ITGA8: variants seen among roughly 807,000 people sequenced by gnomAD.
ITGA8 encodes integrin alpha-8.
A neutral mutation model predicts 142.3 loss-of-function variants in ITGA8; 91 were observed. The observed-to-expected ratio is 0.64, with a 90% CI of 0.54 to 0.76. The LOEUF (loss-of-function observed/expected upper bound fraction) is 0.76. Among genes scored for constraint, ITGA8 ranks in the 30% least tolerant of loss-of-function variants. ITGA8 has a pLI of 0.00. For missense variants in ITGA8, 1,406 were observed against 1,327.7 expected, an observed-to-expected ratio of 1.06 and a Z score of -0.92; for synonymous variants, 505 against 485.2, an observed-to-expected ratio of 1.04 and a Z score of -0.54.
chr10:15,645,266 T>G (rs1833959489), intron 12 of ITGA8, among the ~76,000 whole-genome samples: 1 of 152,110 alleles, frequency 6.6e-6, no homozygotes, highest in African/African-American at 2.4e-5. Flanking sequence ...TTCACATGAT[T>G]TTACCTACTT....
intron 27 of ITGA8, among the ~76,000 whole-genome samples, chr10:15,540,785 A>G (rs775572886): frequency 6.6e-6 from 1 of 152,180 alleles, no homozygotes; most frequent in African/African-American, 2.4e-5. Flanking sequence ...CCTGATGACT[A>G]AAACAAGACC....
At chr10:15,580,733 A>T (rs762265935) in intron 23 of ITGA8, among the ~76,000 whole-genome samples, 2 of 152,230 alleles carry the variant, frequency 1.3e-5, no homozygotes, top group Non-Finnish European at 2.9e-5. Context: ...CTAAACATAC[A>T]TTCATGTTAA....
chr10:15,565,771 G>A (rs969465049), intron 25 of ITGA8, among the ~76,000 whole-genome samples: 8 of 151,546 alleles, frequency 5.3e-5, no homozygotes, highest in African/African-American at 1.5e-4. Context: ...TGTACTTTTA[G>A]CAGAGATGGG....
At chr10:15,574,048 C>T (rs550646161) in intron 24 of ITGA8, among the ~76,000 whole-genome samples, 1 of 152,100 alleles carries the variant, frequency 6.6e-6, no homozygotes, top group South Asian at 2.1e-4. Context: ...TCTTGAGCTT[C>T]TGGCCTGAAG....
chr10:15,614,327 A>C (rs1349940564), intron 14 of ITGA8, among the ~76,000 whole-genome samples: 1 of 152,190 alleles, frequency 6.6e-6, no homozygotes, highest in Non-Finnish European at 1.5e-5. Context: ...AATTCTGTAC[A>C]TCAGCCAGAG....
chr10:15,562,126 T>C (rs186797807), intron 25 of ITGA8, among the ~76,000 whole-genome samples: 1 of 152,168 alleles, frequency 6.6e-6, no homozygotes, highest in African/African-American at 2.4e-5. Context: ...TAATTCAAGA[T>C]GAGATTTGTG....
At chr10:15,687,201 T>G (rs965405121) in intron 3 of ITGA8, among the ~76,000 whole-genome samples, 3 of 151,842 alleles carry the variant, frequency 2.0e-5, no homozygotes, top group Non-Finnish European at 4.4e-5. Flanking sequence ...CTTTAGATAC[T>G]TATTCTTATT....
Position 15,596,826 on chromosome 10 carries a change from C to T in ITGA8, c.2211+381G>A, listed in dbSNP as rs558119999. 1.6e-3 allele frequency: 282 copies of T among 177,060 alleles called. 3 individuals are homozygous for T. The highest frequency in any genetic ancestry group is 6.3e-3 in the African/African-American group (266 of 42,324). 11.0% of individuals were successfully genotyped at this position (177,060 alleles called of 1,614,324 possible). ...CATGTCCTTCCTTTAATTGCCATTG[C>T]TAAAATCTTTGTCCTAATTTGGTTA... is the stretch of plus-strand genomic sequence containing the variant. On this transcript the variant is annotated intron_variant, in intron 21 of 29. Transcript: ENST00000378076.
intron 13 of ITGA8, among the ~76,000 whole-genome samples, chr10:15,637,193 C>T (rs1827012302): frequency 6.6e-6 from 1 of 152,186 alleles, no homozygotes; most frequent in South Asian, 2.1e-4. Flanking sequence ...TCCTAGAATG[C>T]AGTTTTTCAA....
At position 15,517,144 on chromosome 10, in the gene ITGA8, CT is replaced by C. The variant is rs527255216; in HGVS notation, c.*13del. The C allele has an allele frequency of 5.4e-4, 835 of 1,558,092 alleles. No individual in the cohort carries two copies. In the African/African-American group the frequency reaches 8.5e-3, roughly 16 times the overall value. On this transcript the variant is annotated 3_prime_UTR_variant, in exon 30 of 30. Coordinates refer to ENST00000378076, the MANE Select transcript of ITGA8 (RefSeq NM_003638.3). ...ACCAGTGTTTGAGGTCTTTGGTCTT[CT>C]TTTTTTTTCTTGTCATGCCTCAGGG... is the stretch of plus-strand genomic sequence containing the variant.
intron 25 of ITGA8, among the ~76,000 whole-genome samples, chr10:15,566,670 G>T (rs977864767): frequency 4.6e-5 from 7 of 151,796 alleles, no homozygotes; most frequent in African/African-American, 1.7e-4. Flanking sequence ...AAATCAGCAA[G>T]GTGGGTGGTA....
At chr10:15,683,900 CA>C (rs1834787674) in intron 4 of ITGA8, 103 bp downstream of exon 4, 2 of 1,386,768 alleles carry the variant, frequency 1.4e-6, no homozygotes, top group Admixed American at 2.2e-5. Context: ...TTTTTCCTTG[CA>C]ACCCTGTAAG....
intron 10 of ITGA8, 66 bp from the exon 11 acceptor site, chr10:15,655,472 T>C: frequency 9.5e-7 from 1 of 1,055,414 alleles, no homozygotes; most frequent in African/African-American, 1.6e-5. Flanking sequence ...CATGTCTCTA[T>C]TATTCCTGAA....
In ITGA8 at chr10:15,561,245, A is replaced by ATATATG. The variant is rs1554772747; in HGVS notation, c.2638-3044_2638-3043insCATATA. Among the ~76,000 whole-genome samples, 702 of 133,660 alleles carry ATATATG rather than the reference A, an allele frequency of 5.3e-3. 5 individuals are homozygous for ATATATG. Among genetic ancestry groups the ATATATG allele is most frequent in the African/African-American group, 0.019 (642 of 34,546 alleles). The allele number at this position is 133,660 out of a possible 152,430, so 87.7% of individuals were successfully genotyped here. A position where few individuals can be genotyped will look rare whatever the true frequency, so the allele number is the denominator to read the frequency against. On this transcript the variant is annotated intron_variant, in intron 25 of 29. Transcript: ENST00000378076. ...TATATATATATATATGTATATATAT[A>ATATATG]TATATATATGTATGTAAAATGTTTA...
chr10:15,679,797 A>C (rs1834701618), intron 4 of ITGA8, among the ~76,000 whole-genome samples: 1 of 152,200 alleles, frequency 6.6e-6, no homozygotes, highest in South Asian at 2.1e-4. Context: ...TAGGCAGGCC[A>C]ACACGTTGAT....
chr10:15,668,595 A>G (rs1342195629), intron 8 of ITGA8, among the ~76,000 whole-genome samples: 1 of 152,084 alleles, frequency 6.6e-6, no homozygotes, highest in Non-Finnish European at 1.5e-5. Flanking sequence ...TCGTTAGTTG[A>G]TGCAGTTTCT....
At chr10:15,636,702 C>T (rs1199855208) in intron 13 of ITGA8, among the ~76,000 whole-genome samples, 1 of 152,174 alleles carries the variant, frequency 6.6e-6, no homozygotes, top group African/African-American at 2.4e-5. Context: ...TTTTCATTTA[C>T]ACTGTTGTGT....
chr10:15,536,383 G>C (rs1455524970), intron 27 of ITGA8, among the ~76,000 whole-genome samples: 2 of 152,182 alleles, frequency 1.3e-5, no homozygotes, highest in Non-Finnish European at 2.9e-5. Flanking sequence ...AGCAGAGTCA[G>C]CATCAAAGAT....
chr10:15,541,903 G>A (rs1188563792), intron 27 of ITGA8, among the ~76,000 whole-genome samples: 1 of 151,690 alleles, frequency 6.6e-6, no homozygotes, highest in Non-Finnish European at 1.5e-5. Context: ...TTATATCTAA[G>A]CTTTGAATTA....
Sources: allele counts gnomAD v4.1 joint callset (sites outside exome capture counted in the v4.1 genomes callset), GRCh38; gene constraint gnomAD v4.1.1; transcripts MANE v1.5; gene names NCBI Gene and HGNC (gene_info 2026-07-23, HGNC 2026-07-21).